Variants in PLOD2 observed in about 807,000 individuals in gnomAD.
PLOD2 encodes procollagen-lysine,2-oxoglutarate 5-dioxygenase 2.
A neutral mutation model predicts 101.0 loss-of-function variants in PLOD2; 65 were observed. The observed-to-expected ratio is 0.64, with a 90% CI of 0.53 to 0.79. The LOEUF (loss-of-function observed/expected upper bound fraction) is 0.79. Ranked by LOEUF, PLOD2 falls within the 30% of genes least tolerant of loss-of-function variation. The probability of loss-of-function intolerance (pLI) is 0.00; values close to 1 mark genes in which losing one functional copy is unlikely to be tolerated. For missense variants in PLOD2, 909 were observed against 914.6 expected (o/e 0.99, Z 0.08); for synonymous variants, 314 against 302.9 (o/e 1.04, Z -0.38).
chr3:146,108,380 C>T (rs1013406781), intron 4 of PLOD2, among the ~76,000 whole-genome samples: 7 of 152,022 alleles, frequency 4.6e-5, no homozygotes, highest in African/African-American at 1.7e-4. Context: ...AATGGGATTT[C>T]CCTACGTTGC....
At chr3:146,151,173 C>T (rs1249214956) in intron 1 of PLOD2, among the ~76,000 whole-genome samples, 1 of 152,192 alleles carries the variant, frequency 6.6e-6, no homozygotes. Flanking sequence ...CTGCAGCACT[C>T]TGTCTCTACC....
intron 1 of PLOD2, among the ~76,000 whole-genome samples, chr3:146,145,635 A>T (rs1018666107): frequency 1.3e-5 from 2 of 152,182 alleles, no homozygotes; most frequent in Non-Finnish European, 2.9e-5. Flanking sequence ...AAAAATTGTG[A>T]AACATAAATT....
chr3:146,134,310 AG>A (rs927752085), intron 1 of PLOD2, among the ~76,000 whole-genome samples: 15 of 152,228 alleles, frequency 9.9e-5, no homozygotes, highest in Admixed American at 7.9e-4. Context: ...CAAAGAGTAT[AG>A]GACCATTTTC....
intron 1 of PLOD2, among the ~76,000 whole-genome samples, chr3:146,155,712 CT>C (rs1394963240): frequency 7.6e-6 from 1 of 131,536 alleles, no homozygotes; most frequent in African/African-American, 2.8e-5. Flanking sequence ...GAGACTCTGT[CT>C]CAAAAAAAAA....
Position 146,086,673 on chromosome 3 carries a change from CAAAT to C in PLOD2, c.1127+110_1127+113del, listed in dbSNP as rs1444568722. 49 of 676,664 alleles carry C rather than the reference CAAAT, an allele frequency of 7.2e-5. No homozygotes were observed. In the East Asian group the frequency reaches 8.1e-4, roughly 11 times the overall value. 41.9% of individuals were successfully genotyped at this position (676,664 alleles called of 1,614,324 possible). A position where few individuals can be genotyped will look rare whatever the true frequency, so the allele number is the denominator to read the frequency against. On this transcript the variant is annotated intron_variant, in intron 10 of 19. Transcript: ENST00000282903. ...CTAAGTTGGCTACTGCATACGCAAACAAATAGTTTGAGACACCCAAATTTGGCAT... is the reference window on the plus strand; with the variant it reads ...CTAAGTTGGCTACTGCATACGCAAACAGTTTGAGACACCCAAATTTGGCAT...
At chr3:146,124,347 T>C (rs2030412268) in intron 1 of PLOD2, 118 bp from the exon 2 acceptor site, 2 of 656,494 alleles carry the variant, frequency 3.0e-6, no homozygotes, top group East Asian at 2.7e-5. Flanking sequence ...GGTTTACTTA[T>C]CTACACAAGA....
chr3:146,080,234 G>T (rs561125956), intron 12 of PLOD2, among the ~76,000 whole-genome samples: 2 of 151,740 alleles, frequency 1.3e-5, no homozygotes, highest in South Asian at 2.1e-4. Context: ...CATACACTAC[G>T]TTTTTTCCTA....
chr3:146,085,130 C>T (rs372014117), intron 11 of PLOD2, 39 bp downstream of exon 11: 1 of 934,646 alleles, frequency 1.1e-6, no homozygotes, highest in Non-Finnish European at 1.8e-6. Flanking sequence ...GAAAAATAAT[C>T]ATTTTAACAA....
At chr3:146,114,246 T>TTATGAAG (rs1339387301) in intron 3 of PLOD2, among the ~76,000 whole-genome samples, 75,813 of 151,166 alleles carry the variant, frequency 0.5, 19,129 homozygotes, top group East Asian at 0.56. Context: ...TTTTATTGCC[T>TTATGAAG]CTGTGTGCCT....
chr3:146,152,925 G>T (rs1052453066), intron 1 of PLOD2, among the ~76,000 whole-genome samples: 5 of 152,162 alleles, frequency 3.3e-5, no homozygotes, highest in African/African-American at 1.2e-4. Context: ...TAAAGTCACT[G>T]TTTAAAAAAT....
intron 1 of PLOD2, among the ~76,000 whole-genome samples, chr3:146,126,491 C>T (rs2030569175): frequency 6.6e-6 from 1 of 151,986 alleles, no homozygotes; most frequent in Non-Finnish European, 1.5e-5. Flanking sequence ...GATTTCACTA[C>T]CATTTATGCT....
chr3:146,091,701 A>G, intron 8 of PLOD2, 99 bp downstream of exon 8: 1 of 724,236 alleles, frequency 1.4e-6, no homozygotes, highest in South Asian at 1.5e-5. Flanking sequence ...TCATAAAATC[A>G]AAACTATAAA....
intron 1 of PLOD2, among the ~76,000 whole-genome samples, chr3:146,156,974 A>T (rs553023791): frequency 2.6e-5 from 4 of 152,352 alleles, no homozygotes; most frequent in African/African-American, 7.2e-5. Flanking sequence ...GCCACTTTGT[A>T]TTGAGTAAAG....
chr3:146,156,288 T>C (rs760502250), intron 1 of PLOD2, among the ~76,000 whole-genome samples: 2 of 152,176 alleles, frequency 1.3e-5, no homozygotes, highest in African/African-American at 2.4e-5. Flanking sequence ...TAAGTGGGAA[T>C]GTCATCTCCT....
At position 146,070,514 on chromosome 3, in the gene PLOD2, T is replaced by C. The variant is rs573729809; in HGVS notation, c.*203A>G. 66 of 399,694 alleles carry C rather than the reference T, an allele frequency of 1.7e-4. No individual in the cohort carries two copies. Among genetic ancestry groups the C allele is most frequent in the African/African-American group, 1.3e-3 (65 of 48,290 alleles). The allele number at this position is 399,694 out of a possible 1,614,324, so 24.8% of individuals were successfully genotyped here. On this transcript the variant is annotated 3_prime_UTR_variant, in exon 20 of 20. Transcript: ENST00000282903. ...GTTTTTTCTTTCTTTTCTTCTTCAA[T>C]CTGTGTTTTAAGGCTCAGAGCAGAC...
intron 1 of PLOD2, among the ~76,000 whole-genome samples, chr3:146,144,477 T>C (rs916390188): frequency 1.6e-5 from 2 of 126,404 alleles, no homozygotes; most frequent in Non-Finnish European, 3.5e-5. Context: ...CTCCACAATA[T>C]GTAACAAGAG....
At chr3:146,140,605 TAAAGAA>T (rs1172606062) in intron 1 of PLOD2, among the ~76,000 whole-genome samples, 1 of 152,098 alleles carries the variant, frequency 6.6e-6, no homozygotes, top group East Asian at 1.9e-4. Flanking sequence ...TACGCTTTAA[TAAAGAA>T]TAGGATCAGT....
intron 1 of PLOD2, among the ~76,000 whole-genome samples, chr3:146,148,635 T>C (rs1403894813): frequency 6.6e-6 from 1 of 152,106 alleles, no homozygotes; most frequent in African/African-American, 2.4e-5. Context: ...CACTTAATCA[T>C]AATAAAAGAG....
intron 9 of PLOD2, among the ~76,000 whole-genome samples, chr3:146,087,549 G>T (rs1281025467): frequency 6.6e-6 from 1 of 151,856 alleles, no homozygotes; most frequent in East Asian, 1.9e-4. Context: ...AAGATTATCT[G>T]TCTCCATCAT....
Sources: allele counts gnomAD v4.1 joint callset (sites outside exome capture counted in the v4.1 genomes callset), GRCh38; gene constraint gnomAD v4.1.1; transcripts MANE v1.5; gene names NCBI Gene and HGNC (gene_info 2026-07-23, HGNC 2026-07-21).